ZNF69: variants seen among roughly 807,000 people sequenced by gnomAD.
ZNF69 encodes the protein zinc finger protein 69.
Under a neutral mutation model 50.9 loss-of-function variants are expected in ZNF69, and 47 were observed. That is an observed-to-expected ratio of 0.92 (90% confidence interval 0.73 to 1.18). The LOEUF is 1.18. Ranked by LOEUF, ZNF69 falls within the 50% of genes most tolerant of loss-of-function variation. The pLI is 0.00. For synonymous variants in ZNF69, 216 were observed against 223.1 expected (o/e 0.97, Z 0.29); for missense variants, 717 against 675.1 (o/e 1.06, Z -0.69).
the ZNF69 span, among the ~76,000 whole-genome samples, chr19:11,941,284 G>A: frequency 1.3e-5 from 2 of 152,254 alleles, no homozygotes; most frequent in South Asian, 4.1e-4. Context: ...CCAGTCCCGC[G>A]CCATGCGCCC....
chr19:11,917,164 C>T (rs1972529540), downstream of ZNF69, among the ~76,000 whole-genome samples: 1 of 152,176 alleles, frequency 6.6e-6, no homozygotes, highest in Non-Finnish European at 1.5e-5. Flanking sequence ...GGAGTCTCTG[C>T]TAACTCTGGG....
chr19:11,950,081 C>T, the ZNF69 span: 2 of 1,614,130 alleles, frequency 1.2e-6, no homozygotes, highest in Admixed American at 1.7e-5. Context: ...AATGGATTCA[C>T]ATCTGCCAAG....
At chr19:11,892,034 G>A (rs1056448399) in intron 1 of ZNF69, among the ~76,000 whole-genome samples, 9 of 152,096 alleles carry the variant, frequency 5.9e-5, no homozygotes, top group African/African-American at 2.2e-4. Context: ...GGCTGGAGCA[G>A]TGGTGCGATC....
At chr19:11,890,790 G>A (rs1383490066) in intron 1 of ZNF69, among the ~76,000 whole-genome samples, 2 of 152,080 alleles carry the variant, frequency 1.3e-5, no homozygotes, top group South Asian at 2.1e-4. Context: ...TAGTTTATAG[G>A]TTGAAGCCTC....
Position 11,906,057 on chromosome 19 carries a change from A to T in ZNF69, c.1660A>T (p.Arg554Trp). The stretch of plus-strand genomic sequence containing the variant: ...TGCCTCAGTCCTTCGAATGCATGGT[A>T]GGACTCACCCTGAAGATAAACCCTA... ...RAASVLRMHG[R>W]THPEDKPYEC... The change falls in exon 4 of 4, where the codon AGG (arginine) becomes TGG (tryptophan). Residue 554 changes from arginine (R) to tryptophan (W), a missense_variant. By Grantham distance (101) the Arg-to-Trp change is moderately radical. Coordinates refer to ENST00000429654, the MANE Select transcript of ZNF69 (RefSeq NM_001364730.1). 1.9e-6 allele frequency: 3 copies of T among 1,613,364 alleles called. No homozygotes were observed. The highest frequency in any genetic ancestry group is 2.5e-6 in the Non-Finnish European group (3 of 1,179,776).
Position 11,905,850 on chromosome 19 carries a change from A to T in ZNF69, c.1453A>T (p.Lys485Ter). 1 of 1,614,102 alleles carries T rather than the reference A, an allele frequency of 6.2e-7. No individual in the cohort carries two copies. The highest frequency in any genetic ancestry group is 8.5e-7 in the Non-Finnish European group (1 of 1,180,022). ...ACCTTATAAATGTAAGCTATGTGGGAAAGGCTTTTATTGTCCCAAATCATT... is the reference window on the plus strand; with the variant it reads ...ACCTTATAAATGTAAGCTATGTGGGTAAGGCTTTTATTGTCCCAAATCATT... Reference protein sequence around the residue: ...ERPYKCKLCGKGFYCPKSLQR... With the variant: ...ERPYKCKLCG The change falls in exon 4 of 4, where the codon AAA (lysine) becomes TAA (stop). Residue 485 changes from lysine to a stop codon, truncating the protein, a stop_gained. Coordinates refer to ENST00000429654, the MANE Select transcript of ZNF69 (RefSeq NM_001364730.1). LOFTEE classifies it high-confidence loss of function.
chr19:11,971,728 T>C, the ZNF69 span, among the ~76,000 whole-genome samples: 1 of 152,194 alleles, frequency 6.6e-6, no homozygotes, highest in African/African-American at 2.4e-5. Context: ...TCATTTTATA[T>C]CCTTCCTGAG....
chr19:11,965,145 C>A, the ZNF69 span: 3 of 1,609,940 alleles, frequency 1.9e-6, no homozygotes, highest in South Asian at 1.1e-5. Context: ...CTGTCTCCTG[C>A]GCTGTGCCCT....
In ZNF69 at chr19:11,903,975, A is replaced by G. The variant is rs1447440445; in HGVS notation, c.251+10A>G. 2 of 1,613,132 alleles carry G rather than the reference A, an allele frequency of 1.2e-6. No individual in the cohort carries two copies. The highest frequency in any genetic ancestry group is 1.7e-5 in the Admixed American group (1 of 60,000). On this transcript the variant is annotated intron_variant, in intron 3 of 3. Coordinates refer to ENST00000429654, the MANE Select transcript of ZNF69 (RefSeq NM_001364730.1). ...CCAGGAGAAACTTCAGGTAATTTGTACTTACAAGACAAAGCAGTGTCTCTC... is the reference window on the plus strand; with the variant it reads ...CCAGGAGAAACTTCAGGTAATTTGTGCTTACAAGACAAAGCAGTGTCTCTC...
At chr19:11,889,213 C>T (rs936895583) in intron 1 of ZNF69, among the ~76,000 whole-genome samples, 2 of 152,132 alleles carry the variant, frequency 1.3e-5, no homozygotes, top group African/African-American at 2.4e-5. Flanking sequence ...GTGACTTACC[C>T]TTGTCTTGCG....
At chr19:11,923,710 A>G in the ZNF69 span, among the ~76,000 whole-genome samples, 1 of 152,190 alleles carries the variant, frequency 6.6e-6, no homozygotes, top group South Asian at 2.1e-4. Flanking sequence ...ATACATAAGC[A>G]TAGGAGGAGA....
At chr19:11,914,947 T>G (rs1972508720), downstream of ZNF69, among the ~76,000 whole-genome samples, 1 of 152,198 alleles carries the variant, frequency 6.6e-6, no homozygotes, top group South Asian at 2.1e-4. Context: ...CTCATACCTG[T>G]AATCCCACCA....
the ZNF69 span, chr19:11,978,855 C>T: frequency 1.9e-6 from 3 of 1,614,164 alleles, no homozygotes; most frequent in Admixed American, 3.3e-5. Flanking sequence ...TGGGGAGAAG[C>T]CCTGTGAATG....
the ZNF69 span, among the ~76,000 whole-genome samples, chr19:11,977,639 G>C: frequency 6.6e-6 from 1 of 152,182 alleles, no homozygotes; most frequent in Non-Finnish European, 1.5e-5. Flanking sequence ...TAGGAGGATA[G>C]CTTGAGGCCA....
chr19:11,967,442 T>C, the ZNF69 span, among the ~76,000 whole-genome samples: 1 of 152,002 alleles, frequency 6.6e-6, no homozygotes, highest in Non-Finnish European at 1.5e-5. Context: ...TCTCGCTCTG[T>C]TGCCCAGGCT....
chr19:11,888,305 G>T (rs1976997306), intron 1 of ZNF69, among the ~76,000 whole-genome samples: 1 of 152,256 alleles, frequency 6.6e-6, no homozygotes, highest in Admixed American at 6.5e-5. Flanking sequence ...CCCGACTCGG[G>T]TGTGGGGTTC....
At chr19:11,963,890 A>ACC in the ZNF69 span, among the ~76,000 whole-genome samples, 1 of 151,984 alleles carries the variant, frequency 6.6e-6, no homozygotes. Context: ...TGATCAGGGG[A>ACC]CCCTCAGCTG....
the ZNF69 span, among the ~76,000 whole-genome samples, chr19:11,974,159 C>CTTTCTTTCTTTCTTTCT: frequency 1.3e-5 from 1 of 75,830 alleles, no homozygotes; most frequent in African/African-American, 6.4e-5. Flanking sequence ...TCTTTCTTTC[C>CTTTCTTTCTTTCTTTCT]TTCCTTCCTT....
chr19:11,967,514 C>T, the ZNF69 span, among the ~76,000 whole-genome samples: 3 of 152,162 alleles, frequency 2.0e-5, no homozygotes, highest in East Asian at 3.9e-4. Context: ...ACGCCATTCT[C>T]CTGCCTCAGC....
Sources: allele counts gnomAD v4.1 joint callset (sites outside exome capture counted in the v4.1 genomes callset), GRCh38; gene constraint gnomAD v4.1.1; transcripts MANE v1.5; gene names NCBI Gene and HGNC (gene_info 2026-07-23, HGNC 2026-07-21).